GRM7: variants seen among roughly 807,000 people sequenced by gnomAD.
GRM7 encodes metabotropic glutamate receptor 7.
GRM7 carries 35 observed loss-of-function variants against 84.5 expected under a neutral mutation model. The observed-to-expected ratio is 0.41, with a 90% confidence interval of 0.32 to 0.55. The LOEUF (loss-of-function observed/expected upper bound fraction) is 0.55, where lower values mean the gene tolerates loss of function less well. Among genes scored for constraint, GRM7 ranks in the 20% least tolerant of loss-of-function variants. GRM7 has a pLI of 0.19. For synonymous variants in GRM7, 487 were observed against 455.1 expected (o/e 1.07, Z -0.89); for missense variants, 1,003 against 1,194.6 (o/e 0.84, Z 2.36).
chr3:7,568,937 G>A (rs893966040), intron 7 of GRM7, among the ~76,000 whole-genome samples: 10 of 152,208 alleles, frequency 6.6e-5, no homozygotes, highest in East Asian at 1.9e-4. Context: ...CTGCTCCACC[G>A]GTGCCCTGTC....
intron 2 of GRM7, among the ~76,000 whole-genome samples, chr3:7,222,383 AT>A (rs1696836001): frequency 6.6e-6 from 1 of 152,028 alleles, no homozygotes; most frequent in African/African-American, 2.4e-5. Context: ...TGACTTTGAG[AT>A]TGGATAGAGG....
At chr3:7,066,511 G>A (rs1697670534) in intron 1 of GRM7, among the ~76,000 whole-genome samples, 1 of 151,868 alleles carries the variant, frequency 6.6e-6, no homozygotes, top group Middle Eastern at 3.4e-3. Context: ...ATAACAAGCA[G>A]CAAGATTGAA....
At chr3:7,573,214 A>C (rs1190645483) in intron 7 of GRM7, among the ~76,000 whole-genome samples, 1 of 151,888 alleles carries the variant, frequency 6.6e-6, no homozygotes, top group Non-Finnish European at 1.5e-5. Context: ...TTTTCTATCA[A>C]TTAGATAGGA....
At chr3:7,202,207 A>G (rs1696091303) in intron 2 of GRM7, among the ~76,000 whole-genome samples, 1 of 152,172 alleles carries the variant, frequency 6.6e-6, no homozygotes, top group African/African-American at 2.4e-5. Context: ...TGTTTTCCCT[A>G]TTACCTATTA....
Position 6,862,606 on chromosome 3 carries a change from T to C in GRM7, c.519+699T>C, listed in dbSNP as rs188529026. The C allele has an allele frequency of 5.0e-6, 1 of 198,068 alleles. No individual in the cohort carries two copies. Among genetic ancestry groups the C allele is most frequent in the Non-Finnish European group, 1.0e-5 (1 of 96,932 alleles). 12.3% of individuals were successfully genotyped at this position (198,068 alleles called of 1,614,324 possible). A position where few individuals can be genotyped will look rare whatever the true frequency, so the allele number is the denominator to read the frequency against. ...TATTTTGCACCGTCTAAATTACATG[T>C]GCGATCCGGCCACTGGCCGGAGCTG... On this transcript the variant is annotated intron_variant, in intron 1 of 9. Transcript: ENST00000357716. The surrounding 1 kb of genome is among the most constrained non-coding windows in gnomAD (Gnocchi z 5.2).
intron 9 of GRM7, among the ~76,000 whole-genome samples, chr3:7,699,565 G>A (rs1701149118): frequency 6.6e-6 from 1 of 152,144 alleles, no homozygotes; most frequent in Non-Finnish European, 1.5e-5. Context: ...TTGGTGAGTA[G>A]ACAACACTGA....
intron 7 of GRM7, among the ~76,000 whole-genome samples, chr3:7,548,086 T>A (rs1450832455): frequency 6.6e-6 from 1 of 152,212 alleles, no homozygotes; most frequent in Non-Finnish European, 1.5e-5. Context: ...CTGCTGTAGT[T>A]TGGATGTTTG....
At chr3:7,613,670 A>G (rs1696948112) in intron 8 of GRM7, among the ~76,000 whole-genome samples, 2 of 152,122 alleles carry the variant, frequency 1.3e-5, no homozygotes, top group Admixed American at 6.5e-5. Flanking sequence ...TGGAAGTTAG[A>G]TAATCTGGGC....
chr3:6,869,581 G>GTCTATCTATCTAACTATCTATCTATCTA (rs1695047603), intron 1 of GRM7, among the ~76,000 whole-genome samples: 9 of 150,658 alleles, frequency 6.0e-5, no homozygotes, highest in African/African-American at 2.2e-4. Context: ...CTATCTATCT[G>GTCTATCTATCTAACTATCTATCTATCTA]TCTATCTATC....
chr3:6,947,572 A>C (rs897144910), intron 1 of GRM7, among the ~76,000 whole-genome samples: 1 of 152,212 alleles, frequency 6.6e-6, no homozygotes, highest in African/African-American at 2.4e-5. Context: ...GCCTCATAAA[A>C]TGAGTTAGGG....
At chr3:6,895,460 CA>C (rs1696143156) in intron 1 of GRM7, among the ~76,000 whole-genome samples, 1 of 152,096 alleles carries the variant, frequency 6.6e-6, no homozygotes, top group Non-Finnish European at 1.5e-5. Context: ...AGAACACTAC[CA>C]AACTTATTTT....
At chr3:7,377,722 C>T (rs1694413215) in intron 4 of GRM7, among the ~76,000 whole-genome samples, 1 of 152,094 alleles carries the variant, frequency 6.6e-6, no homozygotes, top group Admixed American at 6.5e-5. Flanking sequence ...TAGTAAAAGA[C>T]ACCAATTCTT....
At chr3:7,335,622 T>G (rs1701388017) in intron 4 of GRM7, among the ~76,000 whole-genome samples, 1 of 152,178 alleles carries the variant, frequency 6.6e-6, no homozygotes, top group Middle Eastern at 3.4e-3. Context: ...AAAAAGCTGT[T>G]TCTTTGAAAA....
intron 7 of GRM7, among the ~76,000 whole-genome samples, chr3:7,578,157 T>A (rs545517726): frequency 6.6e-6 from 1 of 152,232 alleles, no homozygotes; most frequent in South Asian, 2.1e-4. Context: ...ATTTAGAATG[T>A]CAGGAATGGG....
intron 1 of GRM7, among the ~76,000 whole-genome samples, chr3:6,931,392 C>G (rs547712941): frequency 1.3e-5 from 2 of 152,254 alleles, no homozygotes; most frequent in African/African-American, 4.8e-5. Flanking sequence ...GGCTTCTCAT[C>G]CTTGCTCTTA....
chr3:7,080,697 T>C (rs981320069), intron 1 of GRM7, among the ~76,000 whole-genome samples: 20 of 151,558 alleles, frequency 1.3e-4, no homozygotes, highest in African/African-American at 4.6e-4. Flanking sequence ...TATATATATA[T>C]ACAAACTACG....
chr3:6,870,029 C>G (rs975949498), intron 1 of GRM7, among the ~76,000 whole-genome samples: 3 of 147,880 alleles, frequency 2.0e-5, no homozygotes, highest in African/African-American at 7.5e-5. Context: ...TTTTTTTTTT[C>G]TTTTTGCTTC....
At chr3:7,570,606 G>C (rs1575506445) in intron 7 of GRM7, among the ~76,000 whole-genome samples, 1 of 152,218 alleles carries the variant, frequency 6.6e-6, no homozygotes, top group Non-Finnish European at 1.5e-5. Flanking sequence ...GCAGGGCACA[G>C]CCTTCCTTCT....
chr3:7,080,851 AC>A (rs1409595897), intron 1 of GRM7, among the ~76,000 whole-genome samples: 1 of 152,062 alleles, frequency 6.6e-6, no homozygotes, highest in Non-Finnish European at 1.5e-5. Context: ...CGTGTCCTAT[AC>A]TTAGATAAGG....
Sources: allele counts gnomAD v4.1 joint callset (sites outside exome capture counted in the v4.1 genomes callset), GRCh38; gene constraint gnomAD v4.1.1; non-coding constraint Gnocchi (gnomAD v3.1); transcripts MANE v1.5; gene names NCBI Gene and HGNC (gene_info 2026-07-23, HGNC 2026-07-21).